Variants in JAK1 observed in about 807,000 individuals in gnomAD.
JAK1 encodes the protein tyrosine-protein kinase JAK1.
Under a neutral mutation model 136.6 loss-of-function variants are expected in JAK1, and 16 were observed. The observed-to-expected ratio is 0.12, with a 90% CI of 0.08 to 0.18. JAK1 has a LOEUF of 0.18. Ranked by LOEUF, JAK1 falls within the 10% of genes least tolerant of loss-of-function variation. The pLI is 1.00. For synonymous variants in JAK1, 492 were observed against 519.5 expected, an observed-to-expected ratio of 0.95 and a Z score of 0.72; for missense variants, 859 against 1,450.1, an observed-to-expected ratio of 0.59 and a Z score of 6.62.
intron 1 of JAK1, among the ~76,000 whole-genome samples, chr1:65,064,846 AT>A (rs1428441135): frequency 2.6e-5 from 4 of 152,188 alleles, no homozygotes; most frequent in Non-Finnish European, 5.9e-5. Flanking sequence ...TTTAATTCAT[AT>A]TCTGAAACGT....
At chr1:64,910,034 G>A (rs1195788927) in intron 1 of JAK1, among the ~76,000 whole-genome samples, 3 of 152,148 alleles carry the variant, frequency 2.0e-5, no homozygotes, top group Non-Finnish European at 4.4e-5. Context: ...GGCAGTATAG[G>A]TCTCTGTACC....
intron 1 of JAK1, among the ~76,000 whole-genome samples, chr1:64,944,742 G>A (rs1183615595): frequency 6.6e-6 from 1 of 152,176 alleles, no homozygotes; most frequent in Non-Finnish European, 1.5e-5. Context: ...CACCATTTAT[G>A]TTGGGGATAC....
At chr1:64,918,926 C>T (rs924884890) in intron 1 of JAK1, among the ~76,000 whole-genome samples, 2 of 151,870 alleles carry the variant, frequency 1.3e-5, no homozygotes, top group East Asian at 1.9e-4. Context: ...ACTTTTTTTT[C>T]GAAGAAGAAA....
chr1:64,923,307 T>C (rs1336050169), intron 1 of JAK1, among the ~76,000 whole-genome samples: 3 of 152,164 alleles, frequency 2.0e-5, no homozygotes, highest in Non-Finnish European at 1.5e-5. Context: ...GCTCTCTGCG[T>C]CTCTAACTTC....
intron 2 of JAK1, chr1:65,003,827 A>T (rs1285059109): frequency 6.6e-6 from 1 of 152,286 alleles, no homozygotes; most frequent in African/African-American, 2.4e-5. Flanking sequence ...AAAACAAAAA[A>T]GAAAACAGCA....
At chr1:64,924,528 T>C (rs1160697534) in intron 1 of JAK1, among the ~76,000 whole-genome samples, 1 of 152,214 alleles carries the variant, frequency 6.6e-6, no homozygotes, top group Non-Finnish European at 1.5e-5. Context: ...CTGCCCCAGC[T>C]GTGCTCTGCT....
chr1:65,034,950 GGAGGCT>G (rs1647059772), intron 2 of JAK1, among the ~76,000 whole-genome samples: 1 of 152,148 alleles, frequency 6.6e-6, no homozygotes, highest in Non-Finnish European at 1.5e-5. Context: ...CAGCTACTCA[GGAGGCT>G]GAGGCAAGAG....
At chr1:64,955,402 G>C (rs1646168465) in intron 1 of JAK1, among the ~76,000 whole-genome samples, 1 of 152,124 alleles carries the variant, frequency 6.6e-6, no homozygotes, top group African/African-American at 2.4e-5. Context: ...TGAAAGCTAT[G>C]GAATTCTGAC....
At chr1:65,019,823 G>A (rs1263779092) in intron 2 of JAK1, among the ~76,000 whole-genome samples, 1 of 152,072 alleles carries the variant, frequency 6.6e-6, no homozygotes, top group African/African-American at 2.4e-5. Flanking sequence ...GGCTAAAGCA[G>A]GAGAATTGCT....
At chr1:65,006,489 G>A (rs781349507) in intron 2 of JAK1, among the ~76,000 whole-genome samples, 1 of 152,094 alleles carries the variant, frequency 6.6e-6, no homozygotes, top group Non-Finnish European at 1.5e-5. Flanking sequence ...TCCTGAGTAG[G>A]TAGGACTACA....
rs563600514 is a variant in JAK1 at position 64,868,522 on chromosome 1, G to GA, written c.647+788dup. Among the ~76,000 whole-genome samples, 5 of 152,298 alleles carry GA rather than the reference G, an allele frequency of 3.3e-5. No individual in the cohort carries two copies. In the East Asian group the frequency reaches 7.7e-4, roughly 23 times the overall value. On this transcript the variant is annotated intron_variant, in intron 6 of 24. Transcript: ENST00000342505. ...GGAAGTACCCAAAGTGAAGGCCACA[G>GA]AAAAAAGAGAAAGCAGCAGTTGAGC... is the stretch of plus-strand genomic sequence containing the variant.
chr1:65,000,933 GT>G (rs887538819), intron 2 of JAK1, among the ~76,000 whole-genome samples: 1 of 151,944 alleles, frequency 6.6e-6, no homozygotes, highest in Non-Finnish European at 1.5e-5. Flanking sequence ...CCAGGCTGGA[GT>G]GCGGTGGCGC....
chr1:65,016,709 G>A (rs11588204), intron 2 of JAK1, among the ~76,000 whole-genome samples: 1 of 152,104 alleles, frequency 6.6e-6, no homozygotes. Context: ...GACCAGCCTG[G>A]CCAAAGTGTG....
chr1:64,965,103 C>A (rs1327447079), intron 1 of JAK1, among the ~76,000 whole-genome samples: 6 of 151,550 alleles, frequency 4.0e-5, no homozygotes, highest in Non-Finnish European at 7.4e-5. Flanking sequence ...TAACTCAAAT[C>A]TTTTCTTCAA....
rs914125241 is a variant in JAK1 at position 64,963,933 on chromosome 1, G to A, written c.-78+2400C>T. Among the ~76,000 whole-genome samples, 4 of 152,156 alleles carry A rather than the reference G, an allele frequency of 2.6e-5. No homozygotes were observed. In the East Asian group the frequency reaches 7.7e-4, roughly 29 times the overall value. On this transcript the variant is annotated intron_variant, in intron 1 of 24. Transcript: ENST00000342505. ...CCACTAGATGCCTACCAGTAGCACC[G>A]CTCCCTTCCCCCAAGTTGTAACAAC...
intron 2 of JAK1, among the ~76,000 whole-genome samples, chr1:65,014,887 G>A (rs1329008926): frequency 2.0e-5 from 3 of 151,804 alleles, no homozygotes; most frequent in Admixed American, 2.0e-4. Flanking sequence ...GGGTTTCACC[G>A]TGTTAGCCAG....
chr1:64,869,358 A>G lies in JAK1; in HGVS notation c.600T>C (p.Tyr200=). The G allele has an allele frequency of 1.2e-6, 2 of 1,614,088 alleles. No homozygotes were observed. The highest frequency in any genetic ancestry group is 1.7e-6 in the Non-Finnish European group (2 of 1,179,982). ...GCAACTGCATCTTCTTCATCATGGC[A>G]TAGTGTGAGATGGCCAGGACAGCCA... ...LGMAVLAISH[Y]AMMKKMQLPE... is the part of the protein sequence containing the mutation. Residue 200 remains tyrosine (Y), a synonymous_variant, in exon 6 of 25, where the codon TAT becomes TAC. Coordinates refer to ENST00000342505, the MANE Select transcript of JAK1 (RefSeq NM_002227.4).
chr1:64,917,511 C>T (rs1165964370), intron 1 of JAK1, among the ~76,000 whole-genome samples: 1 of 152,186 alleles, frequency 6.6e-6, no homozygotes, highest in African/African-American at 2.4e-5. Context: ...GACCAATCCC[C>T]ATGTGAGCAG....
chr1:65,028,499 GGGA>G (rs1646997163), intron 2 of JAK1, among the ~76,000 whole-genome samples: 1 of 148,330 alleles, frequency 6.7e-6, no homozygotes, highest in African/African-American at 2.5e-5. Flanking sequence ...GAGGGAGGGA[GGGA>G]GGGAGGGAGG....
Sources: allele counts gnomAD v4.1 joint callset (sites outside exome capture counted in the v4.1 genomes callset), GRCh38; gene constraint gnomAD v4.1.1; transcripts MANE v1.5; gene names NCBI Gene and HGNC (gene_info 2026-07-23, HGNC 2026-07-21).